Variants in GPAT4 observed in about 807,000 individuals in gnomAD.
The protein encoded by GPAT4 is 1-AGP acyltransferase 6.
A neutral mutation model predicts 58.0 loss-of-function variants in GPAT4; 17 were observed. The ratio of observed to expected loss-of-function variants is 0.29; its 90% CI spans 0.20 to 0.44. The LOEUF is 0.44. GPAT4 is among the 20% of genes least tolerant of loss of function. The probability of loss-of-function intolerance (pLI) is 1.00; values close to 1 mark genes in which losing one functional copy is unlikely to be tolerated. For missense variants in GPAT4, 377 were observed against 574.5 expected (o/e 0.66, Z 3.51); for synonymous variants, 204 against 210.1 (o/e 0.97, Z 0.25).
chr8:41,619,054 C>G lies in GPAT4; in HGVS notation c.1262+77C>G. 4 of 1,526,448 alleles carry G rather than the reference C, an allele frequency of 2.6e-6. No homozygotes were observed. In the South Asian group the frequency reaches 4.6e-5, roughly 17 times the overall value. The allele number at this position is 1,526,448 out of a possible 1,614,324, so 94.6% of individuals were successfully genotyped here. On this transcript the variant is annotated intron_variant, in intron 12 of 12. Transcript: ENST00000396987. ...TCATTGACTTCACTTACATGTCATT[C>G]CCCGTGGTGTGGAGAATTAAACTTG...
chr8:41,620,327 G>T (rs1803710791), intron 12 of GPAT4, among the ~76,000 whole-genome samples: 1 of 150,060 alleles, frequency 6.7e-6, no homozygotes, highest in Non-Finnish European at 1.5e-5. Flanking sequence ...GGAGGCACGG[G>T]GGCAGTGAGG....
At chr8:41,616,890 T>C (rs1184971669) in intron 10 of GPAT4, among the ~76,000 whole-genome samples, 6 of 152,196 alleles carry the variant, frequency 3.9e-5, no homozygotes, top group Admixed American at 1.3e-4. Flanking sequence ...AGGCTCTTCT[T>C]ATATTTCCAC....
chr8:41,593,655 A>G (rs565654380), intron 1 of GPAT4, among the ~76,000 whole-genome samples: 38 of 152,286 alleles, frequency 2.5e-4, no homozygotes, highest in African/African-American at 8.9e-4. Flanking sequence ...TAACAGCACA[A>G]GGTAGGGTCC....
intron 2 of GPAT4, among the ~76,000 whole-genome samples, chr8:41,602,883 T>C (rs888920519): frequency 6.6e-6 from 1 of 152,124 alleles, no homozygotes; most frequent in Admixed American, 6.5e-5. Context: ...CTTCTCTCTG[T>C]GCCCTCCTGC....
chr8:41,591,560 G>A (rs1009381039), intron 1 of GPAT4, among the ~76,000 whole-genome samples: 1 of 152,186 alleles, frequency 6.6e-6, no homozygotes, highest in African/African-American at 2.4e-5. Context: ...GAAGCATTTT[G>A]GTGAACTAAG....
chr8:41,597,080 CA>C (rs1470610607), intron 1 of GPAT4, among the ~76,000 whole-genome samples: 3 of 152,142 alleles, frequency 2.0e-5, no homozygotes, highest in Non-Finnish European at 4.4e-5. Flanking sequence ...AAAGTTAGGT[CA>C]GGGGTTGATT....
intron 2 of GPAT4, among the ~76,000 whole-genome samples, chr8:41,602,657 T>G (rs1169282521): frequency 6.6e-6 from 1 of 152,198 alleles, no homozygotes; most frequent in Non-Finnish European, 1.5e-5. Context: ...TGTGTATCTG[T>G]CTAAAATACA....
chr8:41,590,766 G>A (rs537755523), intron 1 of GPAT4, among the ~76,000 whole-genome samples: 1 of 152,198 alleles, frequency 6.6e-6, no homozygotes, highest in Admixed American at 6.5e-5. Flanking sequence ...TGTCCTTGTA[G>A]ACTAGAGCAT....
chr8:41,581,006 G>A (rs145667159), intron 1 of GPAT4, among the ~76,000 whole-genome samples: 2 of 152,284 alleles, frequency 1.3e-5, no homozygotes, highest in African/African-American at 4.8e-5. Context: ...AGATGATTTG[G>A]CCCTGGTTAA....
intron 5 of GPAT4, 101 bp from the exon 6 acceptor site, chr8:41,611,802 A>G: frequency 9.7e-7 from 1 of 1,029,306 alleles, no homozygotes; most frequent in Non-Finnish European, 1.5e-6. Flanking sequence ...CTATACAAGC[A>G]CTTTGCTGTT....
In GPAT4 at chr8:41,598,558, A is replaced by G. The variant is rs964976203; in HGVS notation, c.-582A>G. 1 of 152,266 alleles carries G rather than the reference A, an allele frequency of 6.6e-6. No homozygotes were observed. The highest frequency in any genetic ancestry group is 1.5e-5 in the Non-Finnish European group (1 of 68,088). The allele number at this position is 152,266 out of a possible 1,614,324, so 9.4% of individuals were successfully genotyped here. Reference sequence around the variant, plus strand: ...CAGATATGAACTCTCTACCATGAACATGGTTCTCGGCTTATGAAGGAATTT... The same window carrying G: ...CAGATATGAACTCTCTACCATGAACGTGGTTCTCGGCTTATGAAGGAATTT... On this transcript the variant is annotated 5_prime_UTR_variant, in exon 2 of 13. It removes an upstream start codon present in the reference 5' UTR. Coordinates refer to ENST00000396987, the MANE Select transcript of GPAT4 (RefSeq NM_178819.4).
intron 1 of GPAT4, among the ~76,000 whole-genome samples, chr8:41,587,991 C>T (rs1802699564): frequency 6.6e-6 from 1 of 152,226 alleles, no homozygotes; most frequent in South Asian, 2.1e-4. Flanking sequence ...TTACGACTAA[C>T]CTTTTTATTG....
intron 10 of GPAT4, 128 bp downstream of exon 10, chr8:41,615,176 G>A: frequency 1.2e-6 from 1 of 817,408 alleles, no homozygotes; most frequent in Non-Finnish European, 1.9e-6. Flanking sequence ...AGTGGCGTGG[G>A]GCTGGGTTGA....
Position 41,599,109 on chromosome 8 carries a change from G to A in GPAT4, c.-31G>A, listed in dbSNP as rs774801575. ...AAGGCTGCAATTTGTTCTTAGGGAG[G>A]CAGGTGCTGGCCTGGCCTGGATCTT... On this transcript the variant is annotated 5_prime_UTR_variant, in exon 2 of 13. Coordinates refer to ENST00000396987, the MANE Select transcript of GPAT4 (RefSeq NM_178819.4). 59 of 1,582,932 alleles carry A rather than the reference G, an allele frequency of 3.7e-5. 1 individual carries two copies. The Middle Eastern group carries it at 2.3e-3, about 60-fold the overall frequency.
chr8:41,607,242 T>G (rs1275399683), intron 2 of GPAT4, among the ~76,000 whole-genome samples: 2 of 152,150 alleles, frequency 1.3e-5, no homozygotes, highest in Non-Finnish European at 2.9e-5. Context: ...TCCCCTGCCC[T>G]TGTGACTTGG....
chr8:41,592,754 G>A (rs1802828902), intron 1 of GPAT4, among the ~76,000 whole-genome samples: 1 of 152,182 alleles, frequency 6.6e-6, no homozygotes, highest in Non-Finnish European at 1.5e-5. Context: ...ACTGGCTCAG[G>A]AGAGTGTTTG....
chr8:41,578,885 C>A (rs548112645), intron 1 of GPAT4, among the ~76,000 whole-genome samples: 1 of 152,168 alleles, frequency 6.6e-6, no homozygotes, highest in Non-Finnish European at 1.5e-5. Context: ...TTTAGCTGTT[C>A]AGAAGTTGCA....
intron 2 of GPAT4, among the ~76,000 whole-genome samples, chr8:41,603,871 T>C (rs1803176407): frequency 6.6e-6 from 1 of 151,066 alleles, no homozygotes; most frequent in African/African-American, 2.4e-5. Context: ...ATGAGTCTTC[T>C]GAGGATTCCA....
In GPAT4 at chr8:41,581,993, A is replaced by ATTTTTTTTTT. The variant is rs71230849; in HGVS notation, c.-849+3738_-849+3747dup. Among the ~76,000 whole-genome samples, 14 of 63,608 alleles carry ATTTTTTTTTT rather than the reference A, an allele frequency of 2.2e-4. 3 individuals carry two copies. Among genetic ancestry groups the ATTTTTTTTTT allele is most frequent in the African/African-American group, 3.1e-4 (5 of 15,912 alleles). The allele number at this position is 63,608 out of a possible 152,430, so 41.7% of individuals were successfully genotyped here. ...AGCTTAAATCAAGGGAAGTTCAATG[A>ATTTTTTTTTT]TTTTTTTTTTTTTTTTTTTTTTTTT... On this transcript the variant is annotated intron_variant, in intron 1 of 12. Coordinates refer to ENST00000396987, the MANE Select transcript of GPAT4 (RefSeq NM_178819.4).
Sources: allele counts gnomAD v4.1 joint callset (sites outside exome capture counted in the v4.1 genomes callset), GRCh38; gene constraint gnomAD v4.1.1; transcripts MANE v1.5; gene names NCBI Gene and HGNC (gene_info 2026-07-23, HGNC 2026-07-21).